The following GRM7 variants were observed in gnomAD, a reference collection of about 807,000 sequenced individuals.
The protein encoded by GRM7 is metabotropic glutamate receptor 7.
GRM7 carries 35 observed loss-of-function variants against 84.5 expected under a neutral mutation model. That is an observed-to-expected ratio of 0.41 (90% CI 0.32 to 0.55). The LOEUF (loss-of-function observed/expected upper bound fraction) is 0.55, where lower values mean the gene tolerates loss of function less well. GRM7 is among the 20% of genes least tolerant of loss of function. The probability of loss-of-function intolerance (pLI) is 0.19; values close to 1 mark genes in which losing one functional copy is unlikely to be tolerated. For missense variants in GRM7, 1,003 were observed against 1,194.6 expected (o/e 0.84, Z 2.36); for synonymous variants, 487 against 455.1 (o/e 1.07, Z -0.89).
At chr3:7,361,082 T>G (rs1274559041) in intron 4 of GRM7, among the ~76,000 whole-genome samples, 1 of 152,126 alleles carries the variant, frequency 6.6e-6, no homozygotes, top group Admixed American at 6.6e-5. Flanking sequence ...GACTTCCAAG[T>G]GCCATTGTCT....
intron 2 of GRM7, among the ~76,000 whole-genome samples, chr3:7,173,288 C>A (rs543686785): frequency 6.6e-6 from 1 of 152,262 alleles, no homozygotes; most frequent in African/African-American, 2.4e-5. Flanking sequence ...TGAATTTCAC[C>A]ACTTCTCTCC....
At chr3:7,150,621 T>A (rs1312466427) in intron 2 of GRM7, among the ~76,000 whole-genome samples, 1 of 152,232 alleles carries the variant, frequency 6.6e-6, no homozygotes, top group Non-Finnish European at 1.5e-5. Flanking sequence ...GTAAAACAGT[T>A]ATATTTGCAT....
chr3:6,917,147 C>A (rs1696968577), intron 1 of GRM7, among the ~76,000 whole-genome samples: 1 of 152,038 alleles, frequency 6.6e-6, no homozygotes, highest in Admixed American at 6.6e-5. Context: ...GTTGATAATA[C>A]CTTCATTATA....
intron 4 of GRM7, among the ~76,000 whole-genome samples, chr3:7,395,080 AC>A (rs1350598641): frequency 3.3e-5 from 5 of 151,858 alleles, no homozygotes; most frequent in African/African-American, 1.2e-4. Flanking sequence ...CTTATAACTT[AC>A]AAATTATAGC....
intron 2 of GRM7, among the ~76,000 whole-genome samples, chr3:7,256,280 G>A (rs2124948663): frequency 6.6e-6 from 1 of 152,170 alleles, no homozygotes; most frequent in Admixed American, 6.5e-5. Context: ...TCACTATAGA[G>A]GATTGTATTT....
At chr3:7,320,178 A>G (rs550544810) in intron 4 of GRM7, among the ~76,000 whole-genome samples, 3 of 151,744 alleles carry the variant, frequency 2.0e-5, no homozygotes, top group Admixed American at 6.6e-5. Context: ...GTGTGTATCT[A>G]TGTGCATAGT....
intron 8 of GRM7, among the ~76,000 whole-genome samples, chr3:7,655,601 GGTATCTTTGCAAAAGT>G (rs1269728602): frequency 1.3e-5 from 2 of 152,214 alleles, no homozygotes; most frequent in Non-Finnish European, 2.9e-5. Context: ...ATGCCTTGGA[GGTATCTTTGCAAAAGT>G]GCATTGCCCA....
At chr3:7,374,419 T>A (rs900933067) in intron 4 of GRM7, among the ~76,000 whole-genome samples, 1 of 151,890 alleles carries the variant, frequency 6.6e-6, no homozygotes. Context: ...CCTCTAGCAA[T>A]CATCCCACCT....
At chr3:7,094,482 T>C (rs948184150) in intron 1 of GRM7, among the ~76,000 whole-genome samples, 2 of 152,178 alleles carry the variant, frequency 1.3e-5, no homozygotes, top group African/African-American at 2.4e-5. Context: ...AATAACTTGA[T>C]CAAAACCAGA....
At chr3:7,472,914 T>G (rs1698760556) in intron 7 of GRM7, among the ~76,000 whole-genome samples, 2 of 152,172 alleles carry the variant, frequency 1.3e-5, no homozygotes, top group Non-Finnish European at 2.9e-5. Flanking sequence ...TTAGATCTCT[T>G]TCAATGACAA....
chr3:7,017,276 A>G (rs1695598975), intron 1 of GRM7, among the ~76,000 whole-genome samples: 1 of 151,832 alleles, frequency 6.6e-6, no homozygotes. Context: ...ATTAAGAACC[A>G]GTCAGACTTT....
intron 1 of GRM7, among the ~76,000 whole-genome samples, chr3:6,874,307 CT>C (rs1559298791): frequency 6.6e-6 from 1 of 152,156 alleles, no homozygotes; most frequent in East Asian, 1.9e-4. Flanking sequence ...TGCACATGAT[CT>C]TTGGGACAAC....
chr3:6,962,779 G>A (rs182130634), intron 1 of GRM7, among the ~76,000 whole-genome samples: 1 of 152,312 alleles, frequency 6.6e-6, no homozygotes, highest in African/African-American at 2.4e-5. Context: ...CACCAAAGCA[G>A]TGAAGGAGGG....
chr3:6,943,690 C>T (rs1003833335), intron 1 of GRM7, among the ~76,000 whole-genome samples: 3 of 151,912 alleles, frequency 2.0e-5, no homozygotes, highest in East Asian at 1.9e-4. Flanking sequence ...TGTCCACATT[C>T]GTTTTAGACT....
intron 8 of GRM7, among the ~76,000 whole-genome samples, chr3:7,613,595 T>C (rs1486984175): frequency 1.3e-5 from 2 of 152,122 alleles, no homozygotes; most frequent in African/African-American, 2.4e-5. Context: ...AATGCTGACA[T>C]TTTGCTTTAA....
intron 8 of GRM7, among the ~76,000 whole-genome samples, chr3:7,662,784 C>T (rs1260130666): frequency 6.6e-6 from 1 of 152,138 alleles, no homozygotes; most frequent in Non-Finnish European, 1.5e-5. Flanking sequence ...TGTCCTATGT[C>T]AAATTTTCTG....
At chr3:7,202,908 T>G (rs1353578707) in intron 2 of GRM7, among the ~76,000 whole-genome samples, 1 of 152,172 alleles carries the variant, frequency 6.6e-6, no homozygotes, top group Non-Finnish European at 1.5e-5. Flanking sequence ...CTTACTGAAG[T>G]CTTCTTTCAA....
At chr3:7,286,256 A>C (rs905185380) in intron 2 of GRM7, among the ~76,000 whole-genome samples, 1 of 152,210 alleles carries the variant, frequency 6.6e-6, no homozygotes, top group African/African-American at 2.4e-5. Context: ...AACATTTAAC[A>C]TACAGTTTTG....
At chr3:7,168,671 T>G (rs1043603894) in intron 2 of GRM7, among the ~76,000 whole-genome samples, 1 of 152,166 alleles carries the variant, frequency 6.6e-6, no homozygotes, top group Non-Finnish European at 1.5e-5. Flanking sequence ...TATATTCCTG[T>G]TAATATAATC....
Sources: gnomAD v4.1 joint callset for allele counts (sites outside exome capture counted in the v4.1 genomes callset) on GRCh38, gnomAD v4.1.1 for gene constraint, MANE v1.5 for transcripts, NCBI Gene and HGNC (gene_info 2026-07-23, HGNC 2026-07-21) for gene names.